MYRFL: variants seen among roughly 807,000 people sequenced by gnomAD.
MYRFL encodes myelin regulatory factor-like protein.
In MYRFL, 88 loss-of-function variants were observed where a neutral mutation model predicts 109.4. The observed-to-expected ratio is 0.80, with a 90% CI of 0.68 to 0.96. MYRFL has a LOEUF of 0.96. Among genes scored for constraint, MYRFL ranks in the 40% least tolerant of loss-of-function variants. The pLI, the probability that MYRFL is intolerant of heterozygous loss-of-function variation, is 0.00. For synonymous variants in MYRFL, 324 were observed against 320.9 expected, an observed-to-expected ratio of 1.01 and a Z score of -0.10; for missense variants, 957 against 954.9, an observed-to-expected ratio of 1.00 and a Z score of -0.03.
intron 1 of MYRFL, among the ~76,000 whole-genome samples, chr12:69,845,792 G>GAAA (rs71276402): frequency 5.8e-5 from 7 of 120,518 alleles, no homozygotes; most frequent in South Asian, 2.6e-4. Flanking sequence ...TGGGAAAAGC[G>GAAA]AAAAAAAAAA....
intron 1 of MYRFL, among the ~76,000 whole-genome samples, chr12:69,848,617 T>C (rs1883698078): frequency 6.6e-6 from 1 of 152,278 alleles, no homozygotes; most frequent in African/African-American, 2.4e-5. Context: ...AGTTGCCTAT[T>C]ATTTTAAACA....
Position 69,929,105 on chromosome 12 carries a change from G to A in MYRFL, c.1830+1357G>A, listed in dbSNP as rs1024138746. Among the ~76,000 whole-genome samples, 51 of 152,170 alleles carry A rather than the reference G, an allele frequency of 3.4e-4. 1 individual carries two copies. Among genetic ancestry groups the A allele is most frequent in the African/African-American group, 1.2e-3 (50 of 41,440 alleles). ...AAACGTTTATCAAATGAATACATGA[G>A]TGGAGAGCCCAGTATGAAAATATTC... is the stretch of plus-strand genomic sequence containing the variant. On this transcript the variant is annotated intron_variant, in intron 15 of 24. Transcript: ENST00000552032.
chr12:69,958,513 C>T lies in MYRFL; in HGVS notation c.2715C>T (p.Phe905=), dbSNP rs200704226. The T allele has an allele frequency of 6.8e-4, 1,041 of 1,534,772 alleles. 10 individuals carry two copies. The highest frequency in any genetic ancestry group is 3.4e-4 in the Non-Finnish European group (387 of 1,146,492). The change falls in exon 25 of 25, where the codon TTC becomes TTT. Residue 905 remains phenylalanine (F), a synonymous_variant. Coordinates refer to ENST00000552032, the MANE Select transcript of MYRFL (RefSeq NM_182530.3). ...TCTTCACCGATTACTTCTTTTACTT[C>T]TATCGACGCTGTGCCTAATTTGTTC... ...GIFFTDYFFY[F]YRRCA is the part of the protein sequence containing the mutation.
intron 15 of MYRFL, among the ~76,000 whole-genome samples, chr12:69,932,220 T>C (rs1344370801): frequency 2.0e-5 from 3 of 152,180 alleles, no homozygotes; most frequent in Non-Finnish European, 4.4e-5. Flanking sequence ...CTCATAAAAC[T>C]GCAAAGATAA....
intron 1 of MYRFL, among the ~76,000 whole-genome samples, chr12:69,833,303 AAAGT>A (rs932597542): frequency 6.6e-6 from 1 of 152,156 alleles, no homozygotes; most frequent in African/African-American, 2.4e-5. Context: ...ACTAGGAAAG[AAAGT>A]GTTTCAAGAA....
chr12:69,891,648 TC>T (rs1886874448), intron 7 of MYRFL, among the ~76,000 whole-genome samples: 16 of 99,636 alleles, frequency 1.6e-4, no homozygotes, highest in African/African-American at 6.5e-4. Context: ...TTTCTTTCTT[TC>T]TTTCTTTCTT....
chr12:69,952,885 G>C lies in MYRFL; in HGVS notation c.2374G>C (p.Gly792Arg), dbSNP rs267603650. The C allele has an allele frequency of 1.7e-5, 26 of 1,532,456 alleles. No individual in the cohort carries two copies. Among genetic ancestry groups the C allele is most frequent in the Non-Finnish European group, 2.3e-5 (26 of 1,144,840 alleles). The allele number at this position is 1,532,456 out of a possible 1,614,324, so 94.9% of individuals were successfully genotyped here. The part of the protein sequence containing the change: ...HQYCIQSLQC[G>R]SGNYNYNIPV... ...GTATTGCATTCAAAGCCTCCAGTGC[G>C]GGTAGGTAAGCCTCCCCAGCATGCC... The change falls in exon 21 of 25, where the codon GGA (glycine) becomes CGA (arginine). Residue 792 changes from glycine (G) to arginine (R), a missense_variant and splice_region_variant. Physicochemically the swap from Gly to Arg is moderately radical, Grantham distance 125. Transcript: ENST00000552032.
Position 69,826,675 on chromosome 12 carries a change from A to G in MYRFL, c.46+1112A>G, listed in dbSNP as rs141717577. Among the ~76,000 whole-genome samples, 673 of 152,186 alleles carry G rather than the reference A, an allele frequency of 4.4e-3. 3 individuals carry two copies. Among genetic ancestry groups the G allele is most frequent in the African/African-American group, 0.015 (615 of 41,540 alleles). On this transcript the variant is annotated intron_variant, in intron 1 of 24. Transcript: ENST00000552032. ...CTACAAGTCCCCTCTACAGCTTGTT[A>G]CAATTATCTGATCATTATTATAAAA...
intron 22 of MYRFL, among the ~76,000 whole-genome samples, chr12:69,956,329 C>T (rs1267729033): frequency 6.6e-6 from 1 of 152,122 alleles, no homozygotes. Context: ...CTGCCCTTTC[C>T]TGACACACAG....
intron 10 of MYRFL, among the ~76,000 whole-genome samples, chr12:69,898,814 C>T (rs1954087476): frequency 6.6e-6 from 1 of 152,198 alleles, no homozygotes; most frequent in Non-Finnish European, 1.5e-5. Flanking sequence ...ACAGCTCCTG[C>T]AAAGCTATAC....
chr12:69,950,265 T>C (rs1472771243), intron 19 of MYRFL, among the ~76,000 whole-genome samples: 1 of 152,232 alleles, frequency 6.6e-6, no homozygotes, highest in East Asian at 1.9e-4. Flanking sequence ...ACCTATTCTC[T>C]ATTTTAACAG....
chr12:69,880,951 G>GGTTTTT lies in MYRFL; in HGVS notation c.556+659_556+660insGTTTTT, dbSNP rs1555246956. Among the ~76,000 whole-genome samples the GGTTTTT allele has an allele frequency of 9.2e-4, 104 of 112,630 alleles. 10 individuals are homozygous for GGTTTTT. Among genetic ancestry groups the GGTTTTT allele is most frequent in the Middle Eastern group, 0.012 (2 of 162 alleles). The allele number at this position is 112,630 out of a possible 152,430, so 73.9% of individuals were successfully genotyped here. A position where few individuals can be genotyped will look rare whatever the true frequency, so the allele number is the denominator to read the frequency against. ...TAATGTCCAAGCGGTCAGCCTTCCTGTTTTTTTTTTTTTTTTTTGTCTTAT... is the reference window on the plus strand; with the variant it reads ...TAATGTCCAAGCGGTCAGCCTTCCTGGTTTTTTTTTTTTTTTTTTTTTTTGTCTTAT... On this transcript the variant is annotated intron_variant, in intron 5 of 24. Transcript: ENST00000552032.
chr12:69,910,519 T>A (rs2120388810), intron 12 of MYRFL, among the ~76,000 whole-genome samples: 1 of 151,876 alleles, frequency 6.6e-6, no homozygotes, highest in East Asian at 1.9e-4. Flanking sequence ...AAGGAATATT[T>A]TAGGGGCAAA....
At chr12:69,877,768 A>G (rs181567647) in intron 2 of MYRFL, among the ~76,000 whole-genome samples, 1 of 152,328 alleles carries the variant, frequency 6.6e-6, no homozygotes, top group Admixed American at 6.5e-5. Context: ...TCATCGTATT[A>G]TGTTGGACTT....
At chr12:69,861,689 T>G (rs1273789445) in intron 2 of MYRFL, among the ~76,000 whole-genome samples, 23 of 152,220 alleles carry the variant, frequency 1.5e-4, no homozygotes, top group South Asian at 8.3e-4. Context: ...TTTCTCCCAT[T>G]TTGTAGGTTG....
chr12:69,934,666 G>A (rs1055150310), intron 16 of MYRFL, among the ~76,000 whole-genome samples: 1 of 152,178 alleles, frequency 6.6e-6, no homozygotes, highest in Non-Finnish European at 1.5e-5. Context: ...AAAGAGGGGA[G>A]CTGAAAAAGG....
intron 10 of MYRFL, among the ~76,000 whole-genome samples, chr12:69,901,587 A>T (rs1307976500): frequency 1.3e-5 from 2 of 152,242 alleles, no homozygotes; most frequent in African/African-American, 2.4e-5. Context: ...CCCAAAGCTC[A>T]TTATGAAAAA....
chr12:69,855,817 T>G (rs1032167415), intron 2 of MYRFL, among the ~76,000 whole-genome samples: 6 of 152,144 alleles, frequency 3.9e-5, no homozygotes, highest in Non-Finnish European at 5.9e-5. Context: ...GACATGAAGT[T>G]TATCAGTTTT....
At chr12:69,848,532 A>T (rs1179573582) in intron 1 of MYRFL, among the ~76,000 whole-genome samples, 1 of 151,800 alleles carries the variant, frequency 6.6e-6, no homozygotes, top group Non-Finnish European at 1.5e-5. Context: ...TCTGCATTAC[A>T]TTTTCTCAGT....
Sources: gnomAD v4.1 joint callset for allele counts (sites outside exome capture counted in the v4.1 genomes callset) on GRCh38, gnomAD v4.1.1 for gene constraint, MANE v1.5 for transcripts, NCBI Gene and HGNC (gene_info 2026-07-23, HGNC 2026-07-21) for gene names.